LRRFIP1: variants seen among roughly 807,000 people sequenced by gnomAD.
LRRFIP1 encodes LRR binding FLII interacting protein 1.
In LRRFIP1, 62 loss-of-function variants were observed where a neutral mutation model predicts 104.4. The observed-to-expected ratio is 0.59, with a 90% CI of 0.48 to 0.73. The LOEUF (loss-of-function observed/expected upper bound fraction) is 0.73, where lower values mean the gene tolerates loss of function less well. Ranked by LOEUF, LRRFIP1 falls within the 30% of genes least tolerant of loss-of-function variation. The pLI, the probability that LRRFIP1 is intolerant of heterozygous loss-of-function variation, is 0.00. For synonymous variants in LRRFIP1, 300 were observed against 299.0 expected (o/e 1.00, Z -0.03); for missense variants, 796 against 824.5 (o/e 0.97, Z 0.42).
rs1457679806 is a variant in LRRFIP1 at position 237,703,398 on chromosome 2, A to G, written c.97-5146A>G. ...CCCCATACCTGCTCCCCACATTTCT[A>G]TCAGAGCCCTGTTTCTAAAACAAAA... On this transcript the variant is annotated intron_variant, in intron 1 of 23. Coordinates refer to ENST00000308482, the MANE Select transcript of LRRFIP1 (RefSeq NM_001137550.2). This position sits in a 1 kb window ranked among gnomAD's most constrained non-coding sequence, Gnocchi z 4.3. Among the ~76,000 whole-genome samples, 5 of 152,094 alleles carry G rather than the reference A, an allele frequency of 3.3e-5. No individual in the cohort carries two copies. In the East Asian group the frequency reaches 5.8e-4, roughly 18 times the overall value.
At chr2:237,707,671 A>G (rs1020766441) in intron 1 of LRRFIP1, among the ~76,000 whole-genome samples, 1 of 152,178 alleles carries the variant, frequency 6.6e-6, no homozygotes, top group African/African-American at 2.4e-5. Flanking sequence ...GAAGCAGTGA[A>G]TACGCATGCA....
At chr2:237,707,660 T>G (rs2093882100) in intron 1 of LRRFIP1, among the ~76,000 whole-genome samples, 2 of 152,182 alleles carry the variant, frequency 1.3e-5, no homozygotes, top group Admixed American at 1.3e-4. Context: ...TGGTATCACA[T>G]GAAGCAGTGA....
intron 23 of LRRFIP1, among the ~76,000 whole-genome samples, chr2:237,775,842 A>T (rs898166056): frequency 5.3e-5 from 8 of 151,916 alleles, no homozygotes; most frequent in African/African-American, 7.2e-5. Context: ...GTTTTTCATT[A>T]AAAAAAAGGA....
intron 15 of LRRFIP1, among the ~76,000 whole-genome samples, chr2:237,755,503 C>A (rs558742028): frequency 1.3e-5 from 2 of 152,338 alleles, no homozygotes; most frequent in African/African-American, 2.4e-5. Flanking sequence ...CCTGGGGGGG[C>A]CCTTCGTCGG....
chr2:237,688,540 C>A (rs1414133842), intron 1 of LRRFIP1, among the ~76,000 whole-genome samples: 1 of 148,902 alleles, frequency 6.7e-6, no homozygotes, highest in Non-Finnish European at 1.5e-5. Flanking sequence ...CTTACTGCAA[C>A]CTCCACCTCC....
intron 2 of LRRFIP1, among the ~76,000 whole-genome samples, chr2:237,713,718 G>A (rs1312455083): frequency 6.6e-6 from 1 of 152,132 alleles, no homozygotes; most frequent in Non-Finnish European, 1.5e-5. Context: ...TGAAGCAAAC[G>A]AATATGTCAA....
At chr2:237,700,089 C>T (rs3769105) in intron 1 of LRRFIP1, among the ~76,000 whole-genome samples, 44,083 of 152,106 alleles carry the variant, frequency 0.29, 7,277 homozygotes, top group African/African-American at 0.45. Flanking sequence ...TTCTTGTCCA[C>T]GTCTGTGCAG....
intron 1 of LRRFIP1, among the ~76,000 whole-genome samples, chr2:237,662,230 G>C (rs1308809742): frequency 6.6e-6 from 1 of 152,148 alleles, no homozygotes; most frequent in African/African-American, 2.4e-5. Flanking sequence ...TTGTGTCTCT[G>C]TGTGCAAATT....
At chr2:237,690,747 A>AAAAAAG (rs1553638756) in intron 1 of LRRFIP1, among the ~76,000 whole-genome samples, 3 of 151,698 alleles carry the variant, frequency 2.0e-5, no homozygotes, top group East Asian at 1.9e-4. Context: ...AAAAAAAAAA[A>AAAAAAG]AAAGAAAGAA....
chr2:237,650,612 C>A (rs573842546), intron 1 of LRRFIP1, among the ~76,000 whole-genome samples: 2 of 152,208 alleles, frequency 1.3e-5, no homozygotes, highest in Non-Finnish European at 2.9e-5. Flanking sequence ...GAGCAGCAGA[C>A]CAGCAGGGGC....
At chr2:237,728,012 A>G in intron 8 of LRRFIP1, 77 bp downstream of exon 8, 5 of 1,024,278 alleles carry the variant, frequency 4.9e-6, no homozygotes, top group Non-Finnish European at 5.8e-6. Context: ...ACTAATTGCT[A>G]AATTTAAATT....
intron 1 of LRRFIP1, among the ~76,000 whole-genome samples, chr2:237,637,097 A>C (rs925672527): frequency 6.6e-6 from 1 of 152,232 alleles, no homozygotes; most frequent in Non-Finnish European, 1.5e-5. Flanking sequence ...TTTTACTGAG[A>C]GCGAAATAAA....
At chr2:237,772,229 G>A (rs753899032) in intron 21 of LRRFIP1, 31 bp downstream of exon 21, 2 of 1,518,880 alleles carry the variant, frequency 1.3e-6, no homozygotes, top group Admixed American at 3.3e-5. Flanking sequence ...AGAAGTAAAT[G>A]CTTTCACATG....
rs1576308057 is a variant in LRRFIP1 at position 237,756,145 on chromosome 2, T to C, written c.1089T>C (p.Ala363=). The change falls in exon 16 of 24, where the codon GCT becomes GCC. Residue 363 remains alanine, a synonymous_variant. Coordinates refer to ENST00000308482, the MANE Select transcript of LRRFIP1 (RefSeq NM_001137550.2). ...HAHSILQFQF[A]EVKEALKQRE... ...ACAGTATACTGCAATTTCAGTTTGCTGAAGTCAAGGAGGCCCTGAAGCAAA... is the reference window on the plus strand; with the variant it reads ...ACAGTATACTGCAATTTCAGTTTGCCGAAGTCAAGGAGGCCCTGAAGCAAA... 1 of 1,614,130 alleles carries C rather than the reference T, an allele frequency of 6.2e-7. No homozygotes were observed. The highest frequency in any genetic ancestry group is 1.6e-4 in the Middle Eastern group (1 of 6,062).
In LRRFIP1 at chr2:237,735,486, A is replaced by G; in HGVS notation, c.555+153A>G. 3.1e-6 allele frequency: 2 copies of G among 642,644 alleles called. No individual in the cohort carries two copies. Among genetic ancestry groups the G allele is most frequent in the Non-Finnish European group, 5.2e-6 (2 of 382,476 alleles). The allele number at this position is 642,644 out of a possible 1,614,324, so 39.8% of individuals were successfully genotyped here. ...TAACCGCCACCTTCCATTGTAATGA[A>G]GGTCACAAATAATGTGAATCAGGAA... is the stretch of plus-strand genomic sequence containing the variant. On this transcript the variant is annotated intron_variant, in intron 10 of 23. Transcript: ENST00000308482. This position sits in a 1 kb window ranked among gnomAD's most constrained non-coding sequence, Gnocchi z 4.6.
At chr2:237,657,711 G>A (rs901782894) in intron 1 of LRRFIP1, among the ~76,000 whole-genome samples, 1 of 152,136 alleles carries the variant, frequency 6.6e-6, no homozygotes, top group African/African-American at 2.4e-5. Context: ...TTCCCTAGAA[G>A]GATATGTAAA....
At chr2:237,718,709 A>G (rs943116209) in intron 4 of LRRFIP1, among the ~76,000 whole-genome samples, 3 of 152,266 alleles carry the variant, frequency 2.0e-5, no homozygotes, top group Admixed American at 6.5e-5. Flanking sequence ...TTCCTTATAC[A>G]TAAAATGATC....
rs1202291740 is a variant in LRRFIP1 at position 237,692,138 on chromosome 2, C to T, written c.97-16406C>T. 5 of 843,200 alleles carry T rather than the reference C, an allele frequency of 5.9e-6. No homozygotes were observed. The Admixed American group carries it at 4.3e-4, about 72-fold the overall frequency. 52.2% of individuals were successfully genotyped at this position (843,200 alleles called of 1,614,324 possible). The stretch of plus-strand genomic sequence containing the variant: ...CGTAGCCGGGAGGGCCCCTCCGAGG[C>T]GGAACTGCGTGGGGGGCGGGGCGGG... On this transcript the variant is annotated intron_variant, in intron 1 of 23. Transcript: ENST00000308482.
intron 1 of LRRFIP1, among the ~76,000 whole-genome samples, chr2:237,630,077 G>T (rs1574978221): frequency 6.6e-6 from 1 of 152,204 alleles, no homozygotes; most frequent in South Asian, 2.1e-4. Context: ...ACTAGGCGGT[G>T]GGTAAATATG....
Sources: allele counts gnomAD v4.1 joint callset (sites outside exome capture counted in the v4.1 genomes callset), GRCh38; gene constraint gnomAD v4.1.1; non-coding constraint Gnocchi (gnomAD v3.1); transcripts MANE v1.5; gene names NCBI Gene and HGNC (gene_info 2026-07-23, HGNC 2026-07-21).